Variants in NALF1 observed in about 807,000 individuals in gnomAD.
NALF1 encodes the protein NALCN channel auxiliary factor 1.
A neutral mutation model predicts 48.4 loss-of-function variants in NALF1; 3 were observed. The observed-to-expected ratio is 0.06, with a 90% CI of 0.03 to 0.16. NALF1 has a LOEUF of 0.16. NALF1 is among the 10% of genes least tolerant of loss of function. The pLI is 1.00. For synonymous variants in NALF1, 262 were observed against 245.7 expected, an observed-to-expected ratio of 1.07 and a Z score of -0.62; for missense variants, 526 against 571.5, an observed-to-expected ratio of 0.92 and a Z score of 0.81.
chr13:107,628,050 G>A (rs963989025), intron 1 of NALF1, among the ~76,000 whole-genome samples: 1 of 152,032 alleles, frequency 6.6e-6, no homozygotes, highest in Non-Finnish European at 1.5e-5. Context: ...AAATGGACAG[G>A]TGATCACACA....
At chr13:107,721,763 C>T (rs578016460) in intron 1 of NALF1, among the ~76,000 whole-genome samples, 8 of 152,258 alleles carry the variant, frequency 5.3e-5, no homozygotes, top group East Asian at 3.9e-4. Flanking sequence ...TACTGCCTAG[C>T]GGTGTCAAGC....
chr13:107,210,455 A>G (rs1447214862), intron 2 of NALF1, 129 bp downstream of exon 2: 2 of 661,152 alleles, frequency 3.0e-6, no homozygotes, highest in East Asian at 2.6e-5. Context: ...CTATTAGTGA[A>G]AGTGCGGAAA....
chr13:107,364,064 C>T (rs939885614), intron 1 of NALF1, among the ~76,000 whole-genome samples: 1 of 152,072 alleles, frequency 6.6e-6, no homozygotes. Context: ...GTTTTTAGTA[C>T]CATTTGTAAG....
chr13:107,523,759 A>C (rs1369684866), intron 1 of NALF1, among the ~76,000 whole-genome samples: 1 of 151,776 alleles, frequency 6.6e-6, no homozygotes, highest in African/African-American at 2.4e-5. Flanking sequence ...AAAAATAACA[A>C]ATTATTTTGG....
intron 1 of NALF1, among the ~76,000 whole-genome samples, chr13:107,441,614 A>G (rs944290039): frequency 6.6e-6 from 1 of 152,206 alleles, no homozygotes; most frequent in Admixed American, 6.5e-5. Context: ...GAGAAGAAAT[A>G]TTATGAATTT....
At chr13:107,431,738 C>T (rs1395909985) in intron 1 of NALF1, among the ~76,000 whole-genome samples, 1 of 152,132 alleles carries the variant, frequency 6.6e-6, no homozygotes, top group Non-Finnish European at 1.5e-5. Context: ...CTCTGTAATG[C>T]TCCTCTTCTG....
chr13:107,474,808 A>G (rs1296700881), intron 1 of NALF1, among the ~76,000 whole-genome samples: 1 of 151,686 alleles, frequency 6.6e-6, no homozygotes, highest in Non-Finnish European at 1.5e-5. Context: ...AATGAAGTGT[A>G]TAATGTCTGT....
At chr13:107,454,080 C>G (rs1884786224) in intron 1 of NALF1, among the ~76,000 whole-genome samples, 1 of 152,186 alleles carries the variant, frequency 6.6e-6, no homozygotes, top group Non-Finnish European at 1.5e-5. Flanking sequence ...TTGGTCAAAG[C>G]CATTCAACAA....
chr13:107,674,299 A>G (rs374620611), intron 1 of NALF1, among the ~76,000 whole-genome samples: 1 of 152,182 alleles, frequency 6.6e-6, no homozygotes, highest in African/African-American at 2.4e-5. Context: ...AGTAAATTCT[A>G]TTATCCAAAA....
chr13:107,846,408 G>A (rs149000784), intron 1 of NALF1, among the ~76,000 whole-genome samples: 2 of 152,248 alleles, frequency 1.3e-5, no homozygotes, highest in East Asian at 1.9e-4. Flanking sequence ...AATATTTGGG[G>A]AATGTTCATT....
intron 1 of NALF1, among the ~76,000 whole-genome samples, chr13:107,707,908 C>T (rs1406507183): frequency 6.6e-6 from 1 of 152,076 alleles, no homozygotes; most frequent in African/African-American, 2.4e-5. Flanking sequence ...TTTGGGACTT[C>T]CAGACCAAAA....
chr13:107,515,854 A>G (rs1216075834), intron 1 of NALF1, among the ~76,000 whole-genome samples: 2 of 152,214 alleles, frequency 1.3e-5, no homozygotes, highest in Admixed American at 1.3e-4. Context: ...CAGGACTTGC[A>G]GGATGGAAAC....
intron 1 of NALF1, among the ~76,000 whole-genome samples, chr13:107,412,533 C>T (rs1884010209): frequency 1.3e-5 from 2 of 152,080 alleles, no homozygotes; most frequent in South Asian, 2.1e-4. Context: ...ACCATCTTCA[C>T]CAGTACCACA....
chr13:107,695,445 C>T lies in NALF1; in HGVS notation c.915+170237G>A, dbSNP rs79542999. 6.1e-3 allele frequency among the ~76,000 whole-genome samples: 933 copies of T among 152,160 alleles called. 8 individuals are homozygous for T. Among genetic ancestry groups the T allele is most frequent in the African/African-American group, 0.022 (894 of 41,550 alleles). On this transcript the variant is annotated intron_variant, in intron 1 of 2. Coordinates refer to ENST00000375915, the MANE Select transcript of NALF1 (RefSeq NM_001080396.3). ...AGAAAACATTCAGTGACTCCCCTGT[C>T]ATGTATTTTTTTCAACAGGTTAATA...
chr13:107,708,506 T>C (rs1875469627), intron 1 of NALF1, among the ~76,000 whole-genome samples: 1 of 137,470 alleles, frequency 7.3e-6, no homozygotes, highest in Non-Finnish European at 1.6e-5. Flanking sequence ...ATAATATTAA[T>C]AAAAGACAAG....
intron 1 of NALF1, among the ~76,000 whole-genome samples, chr13:107,573,243 C>G (rs1179318404): frequency 6.6e-6 from 1 of 152,190 alleles, no homozygotes; most frequent in African/African-American, 2.4e-5. Flanking sequence ...TGTTTTAACA[C>G]TTTCCTAACA....
chr13:107,331,954 A>G (rs1238732121), intron 1 of NALF1, among the ~76,000 whole-genome samples: 2 of 152,126 alleles, frequency 1.3e-5, no homozygotes, highest in Non-Finnish European at 2.9e-5. Flanking sequence ...AGCAAAATTC[A>G]CTCAGCATCC....
intron 1 of NALF1, among the ~76,000 whole-genome samples, chr13:107,575,289 T>G (rs1227203546): frequency 6.6e-6 from 1 of 152,112 alleles, no homozygotes; most frequent in East Asian, 1.9e-4. Context: ...TCAAGTCCAT[T>G]TGGTAGGATC....
chr13:107,586,635 A>AT lies in NALF1; in HGVS notation c.915+279046dup, dbSNP rs61429641. On this transcript the variant is annotated intron_variant, in intron 1 of 2. Coordinates refer to ENST00000375915, the MANE Select transcript of NALF1 (RefSeq NM_001080396.3). ...CTACATTTAAAGCTCCCCTATGGAG[A>AT]TTTTTTTTTTTTTTGCTAGGAATGA... Among the ~76,000 whole-genome samples, 454 of 93,106 alleles carry AT rather than the reference A, an allele frequency of 4.9e-3. 60 individuals carry two copies. The highest frequency in any genetic ancestry group is 0.019 in the African/African-American group (425 of 21,960). 61.1% of individuals were successfully genotyped at this position (93,106 alleles called of 152,430 possible). A position where few individuals can be genotyped will look rare whatever the true frequency, so the allele number is the denominator to read the frequency against.
Sources: gnomAD v4.1 joint callset for allele counts (sites outside exome capture counted in the v4.1 genomes callset) on GRCh38, gnomAD v4.1.1 for gene constraint, MANE v1.5 for transcripts, NCBI Gene and HGNC (gene_info 2026-07-23, HGNC 2026-07-21) for gene names.